ITSN1: variants seen among roughly 807,000 people sequenced by gnomAD.
ITSN1 encodes the protein intersectin 1, also known as intersectin-1.
A neutral mutation model predicts 239.8 loss-of-function variants in ITSN1; 58 were observed. The ratio of observed to expected loss-of-function variants is 0.24; its 90% CI spans 0.20 to 0.30. ITSN1 has a LOEUF of 0.30. ITSN1 is among the 10% of genes least tolerant of loss of function. The pLI, the probability that ITSN1 is intolerant of heterozygous loss-of-function variation, is 1.00. For missense variants in ITSN1, 1,558 were observed against 2,103.3 expected, an observed-to-expected ratio of 0.74 and a Z score of 5.07; for synonymous variants, 780 against 770.8, an observed-to-expected ratio of 1.01 and a Z score of -0.20.
chr21:33,886,024 T>C (rs544790335), intron 38 of ITSN1, among the ~76,000 whole-genome samples: 2 of 151,934 alleles, frequency 1.3e-5, no homozygotes, highest in East Asian at 3.9e-4. Flanking sequence ...CTGGCCAACA[T>C]GGTGAAAGCC....
In ITSN1 at chr21:33,819,227, T is replaced by C. The variant is rs1462360184; in HGVS notation, c.2934-14T>C. The C allele has an allele frequency of 1.3e-6, 2 of 1,587,636 alleles. No homozygotes were observed. Among genetic ancestry groups the C allele is most frequent in the Admixed American group, 1.7e-5 (1 of 58,764 alleles). Reference sequence around the variant, plus strand: ...AGATAAAAATTAAAATACTCTCTTCTTCCATTATTGCAGCATGGATTCTGG... The same window carrying C: ...AGATAAAAATTAAAATACTCTCTTCCTCCATTATTGCAGCATGGATTCTGG... On this transcript the variant is annotated splice_polypyrimidine_tract_variant and intron_variant, in intron 23 of 39. Transcript: ENST00000381318.
intron 1 of ITSN1, among the ~76,000 whole-genome samples, chr21:33,659,264 G>A (rs960987017): frequency 2.0e-5 from 3 of 152,208 alleles, no homozygotes; most frequent in Admixed American, 1.3e-4. Flanking sequence ...TGGAAGCTCT[G>A]TACTTCCTCT....
intron 4 of ITSN1, among the ~76,000 whole-genome samples, chr21:33,730,388 C>CTTTTTT (rs71194863): frequency 0.012 from 593 of 49,386 alleles, 84 homozygotes; most frequent in East Asian, 0.025. Flanking sequence ...GCTCTCTGTT[C>CTTTTTT]TTTTTTTTTT....
intron 1 of ITSN1, among the ~76,000 whole-genome samples, chr21:33,703,217 G>C (rs1186450844): frequency 1.3e-5 from 2 of 150,972 alleles, no homozygotes; most frequent in Non-Finnish European, 2.9e-5. Flanking sequence ...GTTGTTTTAA[G>C]GATGGTCATT....
chr21:33,646,478 C>G (rs899783457), intron 1 of ITSN1, among the ~76,000 whole-genome samples: 3 of 152,086 alleles, frequency 2.0e-5, no homozygotes, highest in Non-Finnish European at 2.9e-5. Context: ...ACTTTTCATA[C>G]TAATAAAATT....
At chr21:33,784,145 T>G (rs1175998378) in intron 16 of ITSN1, among the ~76,000 whole-genome samples, 1 of 152,176 alleles carries the variant, frequency 6.6e-6, no homozygotes, top group African/African-American at 2.4e-5. Flanking sequence ...TGGCTTTCTC[T>G]TATTAACTTT....
intron 20 of ITSN1, among the ~76,000 whole-genome samples, chr21:33,810,472 C>G (rs979091781): frequency 2.0e-4 from 30 of 152,000 alleles, no homozygotes; most frequent in African/African-American, 7.2e-4. Context: ...TCGTGGAAAC[C>G]ATTTAAGGCC....
At chr21:33,868,787 G>C (rs920751036) in intron 33 of ITSN1, among the ~76,000 whole-genome samples, 16 of 152,182 alleles carry the variant, frequency 1.1e-4, no homozygotes, top group African/African-American at 3.9e-4. Context: ...TGGGCTGAAG[G>C]GCTCCTCAAG....
chr21:33,829,365 G>A, intron 26 of ITSN1: 1 of 451,754 alleles, frequency 2.2e-6, no homozygotes. Context: ...AGGGAAGTTG[G>A]TAAGTAAGTT....
chr21:33,762,022 G>T lies in ITSN1; in HGVS notation c.788+36G>T, dbSNP rs376520209. Reference sequence around the variant, plus strand: ...AAAAGTTCTTTGGTTTGGATAAAGTGGAAACTTGGTTAGATTGGTGTGGCC... The same window carrying T: ...AAAAGTTCTTTGGTTTGGATAAAGTTGAAACTTGGTTAGATTGGTGTGGCC... On this transcript the variant is annotated intron_variant, in intron 9 of 39. Transcript: ENST00000381318. The T allele has an allele frequency of 2.0e-6, 3 of 1,503,360 alleles. No homozygotes were observed. The African/African-American group carries it at 4.1e-5, about 21-fold the overall frequency. The allele number at this position is 1,503,360 out of a possible 1,614,324, so 93.1% of individuals were successfully genotyped here. A position where few individuals can be genotyped will look rare whatever the true frequency, so the allele number is the denominator to read the frequency against.
intron 17 of ITSN1, among the ~76,000 whole-genome samples, chr21:33,796,967 A>C (rs2071611722): frequency 6.6e-6 from 1 of 152,148 alleles, no homozygotes; most frequent in South Asian, 2.1e-4. Context: ...CTTGCTTTCA[A>C]CTTCAGGTTT....
intron 1 of ITSN1, among the ~76,000 whole-genome samples, chr21:33,711,797 A>ATTAT (rs1368909898): frequency 1.3e-5 from 2 of 152,104 alleles, no homozygotes; most frequent in Non-Finnish European, 2.9e-5. Context: ...TGCAGCCATA[A>ATTAT]AAGTCCCTTT....
rs2070250335 is a variant in ITSN1, at chr21:33,782,187, G to A, written c.1824+54G>A. ...TGTCCTACCTTTAATTTTTTTAACT[G>A]TCCAAATGATTAGTTGCTATTTAAT... is the stretch of plus-strand genomic sequence containing the variant. On this transcript the variant is annotated intron_variant, in intron 16 of 39. Coordinates refer to ENST00000381318, the MANE Select transcript of ITSN1 (RefSeq NM_003024.3). 4 of 1,542,038 alleles carry A rather than the reference G, an allele frequency of 2.6e-6. No homozygotes were observed. In the Admixed American group the frequency reaches 7.4e-5, roughly 28 times the overall value.
At chr21:33,799,720 G>C in intron 18 of ITSN1, 88 bp from the exon 19 acceptor site, 6 of 1,393,682 alleles carry the variant, frequency 4.3e-6, no homozygotes, top group Non-Finnish European at 5.0e-6. Flanking sequence ...AGGCAATAGA[G>C]GAGAGGTTAG....
rs3787712 is a variant in ITSN1 at position 33,684,727 on chromosome 21, A to G, written c.-32-34070A>G. Among the ~76,000 whole-genome samples the G allele has an allele frequency of 1.4e-4, 21 of 152,260 alleles. No homozygotes were observed. In the East Asian group the frequency reaches 2.1e-3, roughly 15 times the overall value. On this transcript the variant is annotated intron_variant, in intron 1 of 39. Coordinates refer to ENST00000381318, the MANE Select transcript of ITSN1 (RefSeq NM_003024.3). ...ATATGTCATGTAATTCTTATGACAT[A>G]TAAGAGAGAAAACATTAATCTAGAG...
chr21:33,744,268 G>A (rs540166688), intron 5 of ITSN1, among the ~76,000 whole-genome samples: 1 of 152,162 alleles, frequency 6.6e-6, no homozygotes, highest in African/African-American at 2.4e-5. Context: ...AAGTAATTAC[G>A]GAATAGTCTA....
Position 33,655,016 on chromosome 21 carries a change from C to CT in ITSN1, c.-33+12314dup, listed in dbSNP as rs1019859591. ...TTCTTTTTATGATACTACCTTGTCT[C>CT]TTTTTTTTTTTCACTATGTCTAGGG... is the stretch of plus-strand genomic sequence containing the variant. On this transcript the variant is annotated intron_variant, in intron 1 of 39. Coordinates refer to ENST00000381318, the MANE Select transcript of ITSN1 (RefSeq NM_003024.3). Among the ~76,000 whole-genome samples, 445 of 145,412 alleles carry CT rather than the reference C, an allele frequency of 3.1e-3. 1 individual carries two copies. Among genetic ancestry groups the CT allele is most frequent in the East Asian group, 6.3e-3 (32 of 5,060 alleles).
At position 33,892,250 on chromosome 21, in the gene ITSN1, C is replaced by T. The variant is rs1236685724; in HGVS notation, c.*3950C>T. On this transcript the variant is annotated 3_prime_UTR_variant, in exon 40 of 40. Transcript: ENST00000381318. ...AAGCATAACCAGTAGCCCCAGAAAC[C>T]GGTAGCATGATGAAGCCCTCAGACA... 3 of 152,218 alleles carry T rather than the reference C, an allele frequency of 2.0e-5. No individual in the cohort carries two copies. Among genetic ancestry groups the T allele is most frequent in the Non-Finnish European group, 2.9e-5 (2 of 68,054 alleles). 9.4% of individuals were successfully genotyped at this position (152,218 alleles called of 1,614,324 possible). A position where few individuals can be genotyped will look rare whatever the true frequency, so the allele number is the denominator to read the frequency against.
chr21:33,658,051 A>G (rs921931080), intron 1 of ITSN1, among the ~76,000 whole-genome samples: 3 of 152,262 alleles, frequency 2.0e-5, no homozygotes, highest in African/African-American at 7.2e-5. Context: ...ATTGTTGACC[A>G]GAAGCCTTAC....
Sources: gnomAD v4.1 joint callset for allele counts (sites outside exome capture counted in the v4.1 genomes callset) on GRCh38, gnomAD v4.1.1 for gene constraint, MANE v1.5 for transcripts, NCBI Gene and HGNC (gene_info 2026-07-23, HGNC 2026-07-21) for gene names.